The following CNOT6L variants were observed in gnomAD, a reference collection of about 807,000 sequenced individuals.
CNOT6L encodes CCR4-NOT transcription complex subunit 6-like.
CNOT6L carries 7 observed loss-of-function variants against 64.0 expected under a neutral mutation model. The ratio of observed to expected loss-of-function variants is 0.11; its 90% CI spans 0.06 to 0.21. CNOT6L has a LOEUF of 0.21. CNOT6L is among the 10% of genes least tolerant of loss of function. The pLI is 1.00. For missense variants in CNOT6L, 245 were observed against 669.0 expected (o/e 0.37, Z 6.99); for synonymous variants, 193 against 243.4 (o/e 0.79, Z 1.93).
At chr4:77,735,298 C>A (rs959873421) in intron 8 of CNOT6L, among the ~76,000 whole-genome samples, 2 of 152,116 alleles carry the variant, frequency 1.3e-5, no homozygotes, top group African/African-American at 2.4e-5. Context: ...TCCTGAACAC[C>A]AAACTATCTC....
intron 4 of CNOT6L, among the ~76,000 whole-genome samples, chr4:77,771,058 G>A (rs372675680): frequency 1.3e-5 from 2 of 152,164 alleles, no homozygotes; most frequent in African/African-American, 4.8e-5. Flanking sequence ...AGTGGCTCAC[G>A]CCTGTAATCC....
intron 7 of CNOT6L, among the ~76,000 whole-genome samples, chr4:77,744,357 A>G (rs1577939294): frequency 6.6e-6 from 1 of 152,174 alleles, no homozygotes; most frequent in South Asian, 2.1e-4. Flanking sequence ...TTTTTTTAAA[A>G]AAAAACAGAC....
chr4:77,731,838 GCCAA>G (rs1262154449), intron 8 of CNOT6L: 2 of 235,230 alleles, frequency 8.5e-6, no homozygotes. Context: ...GAAGGCAAAA[GCCAA>G]CCTTCTAAAA....
intron 7 of CNOT6L, among the ~76,000 whole-genome samples, chr4:77,743,987 TA>T (rs1255846763): frequency 2.6e-5 from 4 of 152,276 alleles, no homozygotes; most frequent in African/African-American, 4.8e-5. Context: ...TTTGATCATT[TA>T]AAAAAATATA....
At chr4:77,785,955 G>A (rs567845219) in intron 1 of CNOT6L, among the ~76,000 whole-genome samples, 6 of 152,222 alleles carry the variant, frequency 3.9e-5, no homozygotes, top group African/African-American at 7.2e-5. Context: ...CAGACAAAGC[G>A]AAAATAAAAG....
chr4:77,786,991 C>A (rs910632133), intron 1 of CNOT6L, among the ~76,000 whole-genome samples: 5 of 151,918 alleles, frequency 3.3e-5, no homozygotes, highest in Non-Finnish European at 7.4e-5. Flanking sequence ...TGAGGCCGGG[C>A]GCAGTGGCTC....
chr4:77,819,121 C>G, intron 1 of CNOT6L, 183 bp downstream of exon 1: 1 of 1,176,808 alleles, frequency 8.5e-7, no homozygotes, highest in Non-Finnish European at 1.2e-6. Context: ...TCAGCCCCGC[C>G]GCCCCCTCCA....
chr4:77,755,107 G>A (rs944005572), intron 5 of CNOT6L, among the ~76,000 whole-genome samples: 1 of 149,904 alleles, frequency 6.7e-6, no homozygotes, highest in Non-Finnish European at 1.5e-5. Flanking sequence ...GCACATATTT[G>A]CAACATATTA....
At chr4:77,754,990 C>T (rs77602156) in intron 5 of CNOT6L, among the ~76,000 whole-genome samples, 168 of 136,936 alleles carry the variant, frequency 1.2e-3, no homozygotes, top group Admixed American at 3.2e-3. Context: ...AGGATAAAAG[C>T]GGTACCATAA....
chr4:77,761,440 T>C (rs1726215758), intron 4 of CNOT6L, among the ~76,000 whole-genome samples: 1 of 152,234 alleles, frequency 6.6e-6, no homozygotes, highest in African/African-American at 2.4e-5. Flanking sequence ...CAAGCTCATA[T>C]GGTTTTATTG....
chr4:77,782,760 G>A (rs771563792), intron 1 of CNOT6L, among the ~76,000 whole-genome samples: 4 of 151,558 alleles, frequency 2.6e-5, no homozygotes, highest in Non-Finnish European at 5.9e-5. Context: ...GACTACAGGT[G>A]TCACCACTAC....
intron 1 of CNOT6L, among the ~76,000 whole-genome samples, chr4:77,803,140 C>G (rs1731785850): frequency 6.6e-6 from 1 of 151,378 alleles, no homozygotes; most frequent in African/African-American, 2.4e-5. Context: ...ATAAGAAAAA[C>G]AGAGACACCC....
intron 1 of CNOT6L, among the ~76,000 whole-genome samples, chr4:77,802,901 G>A (rs548239606): frequency 7.2e-5 from 11 of 152,188 alleles, no homozygotes; most frequent in East Asian, 5.8e-4. Context: ...AAGAAAATGC[G>A]GAGAAAATAT....
chr4:77,778,394 A>C (rs1279496939), intron 1 of CNOT6L, among the ~76,000 whole-genome samples: 1 of 118,510 alleles, frequency 8.4e-6, no homozygotes. Context: ...AGGTTTCACT[A>C]ATTTTAGATC....
intron 1 of CNOT6L, among the ~76,000 whole-genome samples, chr4:77,784,659 A>AT (rs977220583): frequency 6.6e-6 from 1 of 151,828 alleles, no homozygotes; most frequent in East Asian, 1.9e-4. Flanking sequence ...TAATCTTTGT[A>AT]TTTTTTTGTA....
intron 3 of CNOT6L, among the ~76,000 whole-genome samples, chr4:77,773,999 A>C (rs943332584): frequency 6.6e-6 from 1 of 152,150 alleles, no homozygotes; most frequent in Non-Finnish European, 1.5e-5. Context: ...ATTTTTAAAA[A>C]TTATTACTCA....
intron 4 of CNOT6L, among the ~76,000 whole-genome samples, chr4:77,768,968 G>A (rs1484232222): frequency 2.0e-5 from 3 of 152,104 alleles, no homozygotes; most frequent in African/African-American, 7.2e-5. Flanking sequence ...ACATGTATGA[G>A]TCTGTTCATG....
chr4:77,736,851 TA>T, intron 8 of CNOT6L, among the ~76,000 whole-genome samples: 1 of 152,130 alleles, frequency 6.6e-6, no homozygotes, highest in South Asian at 2.1e-4. Flanking sequence ...GTCAAATGGA[TA>T]AAAGAACATA....
intron 1 of CNOT6L, among the ~76,000 whole-genome samples, chr4:77,791,257 C>T: frequency 6.6e-6 from 1 of 152,182 alleles, no homozygotes; most frequent in East Asian, 1.9e-4. Context: ...GCCTGAGCAA[C>T]AAAGCCAGGC....
Sources: allele counts gnomAD v4.1 joint callset (sites outside exome capture counted in the v4.1 genomes callset), GRCh38; gene constraint gnomAD v4.1.1; transcripts MANE v1.5; gene names NCBI Gene and HGNC (gene_info 2026-07-23, HGNC 2026-07-21).